Variants in TAPBPL observed in about 807,000 individuals in gnomAD.
TAPBPL encodes the protein tapasin-related protein.
TAPBPL carries 32 observed loss-of-function variants against 44.8 expected under a neutral mutation model. That is an observed-to-expected ratio of 0.71 (90% CI 0.54 to 0.96). The LOEUF (loss-of-function observed/expected upper bound fraction) is 0.96, where lower values mean the gene tolerates loss of function less well. Among genes scored for constraint, TAPBPL ranks in the 40% least tolerant of loss-of-function variants. The probability of loss-of-function intolerance (pLI) is 0.00; values close to 1 mark genes in which losing one functional copy is unlikely to be tolerated. For synonymous variants in TAPBPL, 230 were observed against 240.7 expected (o/e 0.96, Z 0.41); for missense variants, 520 against 586.6 (o/e 0.89, Z 1.17).
In TAPBPL at chr12:6,453,692, C is replaced by T; in HGVS notation, c.541C>T (p.Pro181Ser). The change falls in exon 3 of 7, where the codon CCC (proline) becomes TCC (serine). Residue 181 changes from proline (P) to serine (S), a missense_variant. Pro to Ser is a moderately conservative substitution (Grantham distance 74). Transcript: ENST00000266556. The surrounding 1 kb of genome is among the most constrained non-coding windows in gnomAD (Gnocchi z 4.8). ...CCCGACGCTGAACTTGCCACTGAGC[C>T]CCCAGGGGACTGTGCGAACTGCAGG... Reference protein sequence around the residue: ...WHPTLNLPLSPQGTVRTAVEF... With the variant: ...WHPTLNLPLSSQGTVRTAVEF... 6.2e-7 allele frequency: 1 copy of T among 1,609,748 alleles called. No homozygotes were observed. The highest frequency in any genetic ancestry group is 1.9e-4 in the Middle Eastern group (1 of 5,344).
In TAPBPL at chr12:6,452,326, T is replaced by C; in HGVS notation, c.64+14T>C. The C allele has an allele frequency of 6.4e-7, 1 of 1,568,058 alleles. No homozygotes were observed. Among genetic ancestry groups the C allele is most frequent in the Non-Finnish European group, 8.6e-7 (1 of 1,156,672 alleles). On this transcript the variant is annotated intron_variant, in intron 1 of 6. Transcript: ENST00000266556. ...CAGCAGAAACCAGTGAGTCTGGGAGTCGGGGAGAGCTGGCTGGGAGAAGAG... is the reference window on the plus strand; with the variant it reads ...CAGCAGAAACCAGTGAGTCTGGGAGCCGGGGAGAGCTGGCTGGGAGAAGAG...
Position 6,453,219 on chromosome 12 carries a change from G to A in TAPBPL, c.217G>A (p.Gly73Ser). The change falls in exon 2 of 7, where the codon GGC becomes AGC. Residue 73 changes from glycine (G) to serine (S), a missense_variant. Coordinates refer to ENST00000266556, the MANE Select transcript of TAPBPL (RefSeq NM_018009.5). This position sits in a 1 kb window ranked among gnomAD's most constrained non-coding sequence, Gnocchi z 4.8. ...GAAGCAGGTGCCAGTGCTGGACGATGGCTCCCTGGAGGACTTCACCGATTT... is the reference window on the plus strand; with the variant it reads ...GAAGCAGGTGCCAGTGCTGGACGATAGCTCCCTGGAGGACTTCACCGATTT... The part of the protein sequence containing the change: ...VLKQVPVLDD[G>S]SLEDFTDFQG... 2 of 1,613,862 alleles carry A rather than the reference G, an allele frequency of 1.2e-6. No homozygotes were observed. Among genetic ancestry groups the A allele is most frequent in the Non-Finnish European group, 1.7e-6 (2 of 1,179,920 alleles).
chr12:6,464,098 C>G (rs1196347473), downstream of TAPBPL: 1 of 1,314,448 alleles, frequency 7.6e-7, no homozygotes, highest in South Asian at 1.2e-5. Flanking sequence ...TCACCATGGG[C>G]ACCGATACTC....
downstream of TAPBPL, chr12:6,464,016 A>T: frequency 1.5e-6 from 2 of 1,293,208 alleles, no homozygotes; most frequent in Non-Finnish European, 2.0e-6. Flanking sequence ...CCACATGACC[A>T]GGCAGTACTG....
downstream of TAPBPL, among the ~76,000 whole-genome samples, chr12:6,468,025 G>C (rs1945672564): frequency 6.6e-6 from 1 of 152,258 alleles, no homozygotes; most frequent in Non-Finnish European, 1.5e-5. Flanking sequence ...GGCCCTCATG[G>C]AGAACCTCTG....
downstream of TAPBPL, chr12:6,463,185 C>G: frequency 7.0e-7 from 1 of 1,437,442 alleles, no homozygotes; most frequent in Non-Finnish European, 9.1e-7. This position sits in a 1 kb window ranked among gnomAD's most constrained non-coding sequence, Gnocchi z 4.0. Flanking sequence ...AGAAAGGAGG[C>G]AAAGTAGAAT....
chr12:6,461,421 T>C, intron 6 of TAPBPL: 1 of 1,000,466 alleles, frequency 1.0e-6, no homozygotes. Context: ...AAAACAAAGC[T>C]GGAGGAAATG....
At position 6,458,759 on chromosome 12, in the gene TAPBPL, T is replaced by G; in HGVS notation, c.1019T>G (p.Leu340Arg). 6.2e-7 allele frequency: 1 copy of G among 1,614,154 alleles called. No homozygotes were observed. Residue 340 changes from leucine to arginine, a missense_variant, in exon 5 of 7, where the codon CTG (leucine) becomes CGG (arginine). Leu to Arg is a moderately radical substitution (Grantham distance 102, BLOSUM62 -2). Transcript: ENST00000266556. Reference sequence around the variant, plus strand: ...GTGGTGACGTGGACCCGAGAGGAGCTGGGTGGATCCCCAGCCCAAGTCTCT... The same window carrying G: ...GTGGTGACGTGGACCCGAGAGGAGCGGGGTGGATCCCCAGCCCAAGTCTCT... The part of the protein sequence containing the change: ...DVVVTWTREE[L>R]GGSPAQVSGA...
chr12:6,469,793 G>A (rs1463704023), downstream of TAPBPL, among the ~76,000 whole-genome samples: 1 of 152,224 alleles, frequency 6.6e-6, no homozygotes, highest in African/African-American at 2.4e-5. Flanking sequence ...TGATGTTGAA[G>A]ACTGCTGGAG....
intron 5 of TAPBPL, 70 bp from the exon 6 acceptor site, chr12:6,460,785 A>C (rs1949835608): frequency 6.8e-7 from 1 of 1,474,338 alleles, no homozygotes; most frequent in Non-Finnish European, 9.5e-7. Context: ...TGGGGTGGAC[A>C]CTGCAGGTGA....
intron 3 of TAPBPL, among the ~76,000 whole-genome samples, chr12:6,455,682 C>T (rs1293882504): frequency 6.6e-6 from 1 of 152,000 alleles, no homozygotes; most frequent in Non-Finnish European, 1.5e-5. Context: ...TGTAGTCCAG[C>T]TACTCAGGAG....
rs377336773 is a variant in TAPBPL at position 6,453,122 on chromosome 12, C to T, written c.120C>T (p.Phe40=). ...CAGTGGACGTGGTCCTAGACTGCTT[C>T]CTGGCGAAGGACGGTGCGCACCGTG... is the stretch of plus-strand genomic sequence containing the variant. ...WRAVDVVLDC[F]LAKDGAHRGA... is the part of the protein sequence containing the mutation. Residue 40 remains phenylalanine (F), a synonymous_variant, in exon 2 of 7, where the codon TTC becomes TTT. Transcript: ENST00000266556. This position sits in a 1 kb window ranked among gnomAD's most constrained non-coding sequence, Gnocchi z 4.8. The T allele has an allele frequency of 1.1e-4, 178 of 1,588,424 alleles. No homozygotes were observed. The highest frequency in any genetic ancestry group is 1.5e-4 in the Non-Finnish European group (170 of 1,167,668).
downstream of TAPBPL, chr12:6,462,794 G>A: frequency 1.3e-6 from 2 of 1,584,354 alleles, no homozygotes; most frequent in African/African-American, 1.3e-5. Flanking sequence ...CTTCGAGGGG[G>A]GCCGTTGGGA....
rs1190349700 is a variant in TAPBPL at position 6,458,939 on chromosome 12, T to G, written c.1199T>G (p.Val400Gly). 9.3e-6 allele frequency: 15 copies of G among 1,613,582 alleles called. No individual in the cohort carries two copies. The South Asian group carries it at 1.5e-4, about 17-fold the overall frequency. ...EEPLGASTQV[V>G]PPERRTALGV... is the part of the protein sequence containing the mutation. Reference sequence around the variant, plus strand: ...CCCCTTGGGGCCAGCACCCAGGTTGTCCCACCAGGTACTGGGAGTGTCCTC... The same window carrying G: ...CCCCTTGGGGCCAGCACCCAGGTTGGCCCACCAGGTACTGGGAGTGTCCTC... The change falls in exon 5 of 7, where the codon GTC becomes GGC. Residue 400 changes from valine (V) to glycine (G), a missense_variant. Transcript: ENST00000266556.
intron 4 of TAPBPL, 123 bp from the exon 5 acceptor site, chr12:6,458,522 A>G: frequency 8.3e-7 from 1 of 1,197,644 alleles, no homozygotes; most frequent in Non-Finnish European, 1.2e-6. Flanking sequence ...GCCTTGGTAC[A>G]CCACCAAGGG....
At chr12:6,455,260 T>G (rs569772483) in intron 3 of TAPBPL, among the ~76,000 whole-genome samples, 14 of 152,192 alleles carry the variant, frequency 9.2e-5, no homozygotes, top group African/African-American at 2.9e-4. Context: ...AAACGCATGT[T>G]TGAACCCCGA....
At chr12:6,468,841 A>G (rs1455801018), downstream of TAPBPL, among the ~76,000 whole-genome samples, 2 of 152,160 alleles carry the variant, frequency 1.3e-5, no homozygotes, top group African/African-American at 4.8e-5. Flanking sequence ...CAGGGGGGAG[A>G]TCTCTCAAAT....
In TAPBPL at chr12:6,453,471, C is replaced by G. The variant is rs1949618232; in HGVS notation, c.320C>G (p.Ala107Gly). The change falls in exon 3 of 7, where the codon GCC becomes GGC. Residue 107 changes from alanine (A) to glycine (G), a missense_variant. Transcript: ENST00000266556. This position sits in a 1 kb window ranked among gnomAD's most constrained non-coding sequence, Gnocchi z 4.8. ...ASVDLVQIPQAEALLHADCSG... is the reference protein window; with the variant it reads ...ASVDLVQIPQGEALLHADCSG... ...GTGGACCTGGTCCAGATTCCCCAGG[C>G]CGAGGCCTTGCTCCATGCTGACTGC... 6.2e-7 allele frequency: 1 copy of G among 1,614,034 alleles called. No homozygotes were observed. The highest frequency in any genetic ancestry group is 1.3e-5 in the African/African-American group (1 of 74,922).
At chr12:6,460,335 A>G (rs1185515791) in intron 5 of TAPBPL, among the ~76,000 whole-genome samples, 1 of 152,112 alleles carries the variant, frequency 6.6e-6, no homozygotes, top group Non-Finnish European at 1.5e-5. Context: ...GCACGATCTC[A>G]GCTCACTGCA....
Sources: gnomAD v4.1 joint callset for allele counts (sites outside exome capture counted in the v4.1 genomes callset) on GRCh38, gnomAD v4.1.1 for gene constraint, Gnocchi (gnomAD v3.1) non-coding constraint, MANE v1.5 for transcripts, NCBI Gene and HGNC (gene_info 2026-07-23, HGNC 2026-07-21) for gene names.